Variants in TRPM8 observed in about 807,000 individuals in gnomAD.
TRPM8 encodes transient receptor potential cation channel subfamily M member 8.
Under a neutral mutation model 133.7 loss-of-function variants are expected in TRPM8, and 110 were observed. The observed-to-expected ratio is 0.82, with a 90% CI of 0.70 to 0.96. The LOEUF (loss-of-function observed/expected upper bound fraction) is 0.96. TRPM8 is among the 40% of genes least tolerant of loss of function. The probability of loss-of-function intolerance (pLI) is 0.00; values close to 1 mark genes in which losing one functional copy is unlikely to be tolerated. For synonymous variants in TRPM8, 535 were observed against 532.3 expected (o/e 1.01, Z -0.07); for missense variants, 1,291 against 1,379.5 (o/e 0.94, Z 1.02).
intron 2 of TRPM8, among the ~76,000 whole-genome samples, chr2:233,929,208 T>C (rs1046724805): frequency 1.3e-5 from 2 of 152,170 alleles, no homozygotes; most frequent in Non-Finnish European, 2.9e-5. Flanking sequence ...CATGACTAAC[T>C]GGAAAATATT....
intron 24 of TRPM8, among the ~76,000 whole-genome samples, chr2:234,011,914 C>CAAAAAAAAAAA (rs869030520): frequency 1.2e-5 from 1 of 81,278 alleles, no homozygotes; most frequent in Admixed American, 1.6e-4. Flanking sequence ...GAGACTGTCT[C>CAAAAAAAAAAA]AAAAAAAAAA....
At chr2:233,983,961 C>T (rs545280170) in intron 20 of TRPM8, among the ~76,000 whole-genome samples, 1 of 152,276 alleles carries the variant, frequency 6.6e-6, no homozygotes, top group East Asian at 1.9e-4. Context: ...CTTCCAAGAC[C>T]TTAGAAACAG....
chr2:233,983,134 C>T lies in TRPM8; in HGVS notation c.2671C>T (p.Gln891Ter), dbSNP rs766686412. ...FGVARQGILR[Q>*]NEQRWRWIFR... is the part of the protein sequence containing the mutation. ...CGTGGCCAGGCAAGGGATCCTTAGG[C>T]AGAATGAGCAGCGCTGGAGGTGGAT... The change falls in exon 20 of 26, where the codon CAG (glutamine) becomes TAG (stop). Residue 891 changes from glutamine to a stop codon, truncating the protein, a stop_gained. Transcript: ENST00000324695. LOFTEE classifies it high-confidence loss of function. The T allele has an allele frequency of 1.1e-5, 18 of 1,614,016 alleles. No homozygotes were observed. In the East Asian group the frequency reaches 3.8e-4, roughly 34 times the overall value.
Position 233,945,838 on chromosome 2 carries a change from T to C in TRPM8, c.700-18T>C. ...CTGATAATACAATCTCAAAGACAAG[T>C]TTCCCTGTACTTTTCAGGGCTATTT... is the stretch of plus-strand genomic sequence containing the variant. On this transcript the variant is annotated intron_variant, in intron 6 of 25. Coordinates refer to ENST00000324695, the MANE Select transcript of TRPM8 (RefSeq NM_024080.5). The C allele has an allele frequency of 2.5e-6, 4 of 1,599,834 alleles. No homozygotes were observed. The highest frequency in any genetic ancestry group is 2.6e-6 in the Non-Finnish European group (3 of 1,168,880).
intron 17 of TRPM8, among the ~76,000 whole-genome samples, chr2:233,972,157 CAG>C (rs1182441370): frequency 6.6e-6 from 1 of 151,994 alleles, no homozygotes; most frequent in African/African-American, 2.4e-5. Flanking sequence ...GAGCTAGATA[CAG>C]AGTGACGATT....
At chr2:233,994,896 G>A (rs1574773810) in intron 21 of TRPM8, among the ~76,000 whole-genome samples, 1 of 152,294 alleles carries the variant, frequency 6.6e-6, no homozygotes, top group East Asian at 1.9e-4. Flanking sequence ...TTTGATATTA[G>A]CAATAAAAAT....
At chr2:233,973,364 ACT>A (rs1559536367) in intron 17 of TRPM8, among the ~76,000 whole-genome samples, 1 of 151,916 alleles carries the variant, frequency 6.6e-6, no homozygotes, top group Non-Finnish European at 1.5e-5. Flanking sequence ...TGTGCGGGAG[ACT>A]CTGTCCTAGC....
chr2:233,990,011 T>C (rs1224276596), intron 21 of TRPM8, among the ~76,000 whole-genome samples: 1 of 152,168 alleles, frequency 6.6e-6, no homozygotes, highest in African/African-American at 2.4e-5. Flanking sequence ...AATATAAACA[T>C]GCAGAAAAGT....
intron 3 of TRPM8, chr2:233,933,856 TA>T (rs1461409801): frequency 6.0e-6 from 1 of 167,172 alleles, no homozygotes. Flanking sequence ...GGAAGTGCCC[TA>T]ACACTTAGGA....
chr2:233,956,861 C>T (rs1371466547), intron 11 of TRPM8, among the ~76,000 whole-genome samples: 1 of 151,850 alleles, frequency 6.6e-6, no homozygotes, highest in African/African-American at 2.4e-5. Context: ...ATAAGTAGGT[C>T]CAGTCAATTG....
At chr2:233,953,284 A>G (rs1334732531) in intron 9 of TRPM8, among the ~76,000 whole-genome samples, 1 of 152,180 alleles carries the variant, frequency 6.6e-6, no homozygotes, top group Non-Finnish European at 1.5e-5. Context: ...AGGGAAACCC[A>G]TCATTGCCTC....
At position 234,013,812 on chromosome 2, in the gene TRPM8, A is replaced by T. The variant is rs1186522920; in HGVS notation, c.3265-750A>T. 2.6e-5 allele frequency: 4 copies of T among 152,242 alleles called. No homozygotes were observed. In the East Asian group the frequency reaches 7.7e-4, roughly 29 times the overall value. 9.4% of individuals were successfully genotyped at this position (152,242 alleles called of 1,614,324 possible). ...GTAAGTATGGATCTTACTATGCCTTATTTATTTTAGGAAGCCGTTAGCACT... is the reference window on the plus strand; with the variant it reads ...GTAAGTATGGATCTTACTATGCCTTTTTTATTTTAGGAAGCCGTTAGCACT... On this transcript the variant is annotated intron_variant, in intron 24 of 25. Transcript: ENST00000324695.
At chr2:233,964,803 G>A in intron 14 of TRPM8, 46 bp downstream of exon 14, 2 of 1,555,264 alleles carry the variant, frequency 1.3e-6, no homozygotes, top group Non-Finnish European at 1.8e-6. Context: ...GATCTGCCAT[G>A]TGGCACAGAC....
intron 6 of TRPM8, among the ~76,000 whole-genome samples, chr2:233,944,003 A>G (rs1690980943): frequency 6.6e-6 from 1 of 152,040 alleles, no homozygotes; most frequent in Non-Finnish European, 1.5e-5. Context: ...AGGAGGAAGC[A>G]TGGTAGAGGG....
In TRPM8 at chr2:233,927,964, CTT is replaced by C. The variant is rs1337991851; in HGVS notation, c.117+1312_117+1313del. On this transcript the variant is annotated intron_variant, in intron 2 of 25. Transcript: ENST00000324695. The stretch of plus-strand genomic sequence containing the variant: ...TCTCTCTCTCTCTCTCTCTCTCTTT[CTT>C]TCTTTCTTTCTTTTTTTTTTTGAGA... Among the ~76,000 whole-genome samples the C allele has an allele frequency of 9.8e-4, 81 of 82,710 alleles. 1 individual carries two copies. Among genetic ancestry groups the C allele is most frequent in the Admixed American group, 1.4e-3 (11 of 7,594 alleles). 54.3% of individuals were successfully genotyped at this position (82,710 alleles called of 152,430 possible).
Position 233,942,585 on chromosome 2 carries a change from T to G in TRPM8, c.536T>G (p.Ile179Ser). The stretch of plus-strand genomic sequence containing the variant: ...TCCTATTTGTTGACAGGTGCTTGGA[T>G]TCTCACGGGAGGCACCCATTATGGC... The part of the protein sequence containing the change: ...IYIAQSKGAW[I>S]LTGGTHYGLM... The change falls in exon 6 of 26, where the codon ATT becomes AGT. Residue 179 changes from isoleucine to serine, a missense_variant. Around this residue, in one of 2 missense-constraint regions of TRPM8, gnomAD observed 963 missense variants for 968.9 expected, o/e 0.99. Coordinates refer to ENST00000324695, the MANE Select transcript of TRPM8 (RefSeq NM_024080.5). The G allele has an allele frequency of 6.2e-7, 1 of 1,614,190 alleles. No individual in the cohort carries two copies. The highest frequency in any genetic ancestry group is 8.5e-7 in the Non-Finnish European group (1 of 1,180,046).
chr2:234,009,664 T>G (rs745372869), intron 24 of TRPM8, among the ~76,000 whole-genome samples: 2 of 152,172 alleles, frequency 1.3e-5, no homozygotes, highest in Non-Finnish European at 2.9e-5. Context: ...CCCCTTGCTC[T>G]GTCTCTTTTT....
Position 233,966,600 on chromosome 2 carries a change from G to A in TRPM8, c.1880-10G>A, listed in dbSNP as rs776908557. ...TACACCAGCTTCTCTCTGTGCTGAT[G>A]TCGCTGTAGAGCTGTTCACTGAGTG... is the stretch of plus-strand genomic sequence containing the variant. On this transcript the variant is annotated splice_polypyrimidine_tract_variant and intron_variant, in intron 14 of 25. Coordinates refer to ENST00000324695, the MANE Select transcript of TRPM8 (RefSeq NM_024080.5). 1.2e-6 allele frequency: 2 copies of A among 1,614,024 alleles called. No individual in the cohort carries two copies. The highest frequency in any genetic ancestry group is 2.2e-5 in the South Asian group (2 of 91,080).
At chr2:234,002,031 G>C (rs1291802719) in intron 22 of TRPM8, among the ~76,000 whole-genome samples, 1 of 152,148 alleles carries the variant, frequency 6.6e-6, no homozygotes, top group Non-Finnish European at 1.5e-5. Flanking sequence ...TAATTAAAAA[G>C]TGTGGGAAAC....
Sources: gnomAD v4.1 joint callset for allele counts (sites outside exome capture counted in the v4.1 genomes callset) on GRCh38, gnomAD v4.1.1 for gene constraint, gnomAD v4.1.1 regional missense constraint, MANE v1.5 for transcripts, NCBI Gene and HGNC (gene_info 2026-07-23, HGNC 2026-07-21) for gene names.